Variants in HS6ST3 observed in about 807,000 individuals in gnomAD.
HS6ST3 encodes heparan sulfate 6-O-sulfotransferase 3.
HS6ST3 carries 12 observed loss-of-function variants against 36.7 expected under a neutral mutation model. That is an observed-to-expected ratio of 0.33 (90% CI 0.21 to 0.53). The LOEUF (loss-of-function observed/expected upper bound fraction) is 0.53. Among genes scored for constraint, HS6ST3 ranks in the 20% least tolerant of loss-of-function variants. The pLI is 0.95. For synonymous variants in HS6ST3, 240 were observed against 257.5 expected (o/e 0.93, Z 0.65); for missense variants, 584 against 640.9 (o/e 0.91, Z 0.96).
intron 1 of HS6ST3, among the ~76,000 whole-genome samples, chr13:96,233,991 A>G (rs1319967095): frequency 6.6e-6 from 1 of 152,000 alleles, no homozygotes; most frequent in Admixed American, 6.6e-5. Context: ...TACCTTACTT[A>G]CTGTGTGTTG....
intron 1 of HS6ST3, among the ~76,000 whole-genome samples, chr13:96,708,707 A>G (rs1875489047): frequency 6.6e-6 from 1 of 152,078 alleles, no homozygotes; most frequent in Non-Finnish European, 1.5e-5. Flanking sequence ...GGCCACACCA[A>G]CTGAACTGGG....
At chr13:96,464,684 AG>A (rs548193451) in intron 1 of HS6ST3, among the ~76,000 whole-genome samples, 6 of 152,192 alleles carry the variant, frequency 3.9e-5, no homozygotes, top group Non-Finnish European at 8.8e-5. Context: ...TATTCTCAGT[AG>A]AATTTGATCA....
intron 1 of HS6ST3, among the ~76,000 whole-genome samples, chr13:96,784,097 G>GA (rs36068908): frequency 0.086 from 10,943 of 127,408 alleles, 503 homozygotes; most frequent in Middle Eastern, 0.13. Flanking sequence ...TTCTTGCTGA[G>GA]AAAAAAAAAA....
intron 1 of HS6ST3, among the ~76,000 whole-genome samples, chr13:96,703,416 C>G (rs992626002): frequency 6.6e-6 from 1 of 152,126 alleles, no homozygotes; most frequent in African/African-American, 2.4e-5. Context: ...ACTGGTGCAT[C>G]CTAATTAAAA....
chr13:96,707,378 A>C (rs1875456300), intron 1 of HS6ST3, among the ~76,000 whole-genome samples: 1 of 152,224 alleles, frequency 6.6e-6, no homozygotes, highest in Non-Finnish European at 1.5e-5. Context: ...AACTATGAGA[A>C]ATAAATGTTG....
At chr13:96,338,344 G>A (rs554292052) in intron 1 of HS6ST3, among the ~76,000 whole-genome samples, 4 of 152,202 alleles carry the variant, frequency 2.6e-5, no homozygotes, top group South Asian at 2.1e-4. Context: ...TGCAGTATTC[G>A]GGGAGCTACT....
rs558539744 is a variant in HS6ST3 at position 96,680,508 on chromosome 13, G to A, written c.708-151982G>A. Among the ~76,000 whole-genome samples, 9 of 152,206 alleles carry A rather than the reference G, an allele frequency of 5.9e-5. No individual in the cohort carries two copies. The South Asian group carries it at 1.9e-3, about 32-fold the overall frequency. ...GGACCCTTTAGTGCACTCCAATCGG[G>A]GGTTAGAGGGAAGAGGACACTTTCA... On this transcript the variant is annotated intron_variant, in intron 1 of 1. Coordinates refer to ENST00000376705, the MANE Select transcript of HS6ST3 (RefSeq NM_153456.4).
At chr13:96,418,623 A>G (rs557449107) in intron 1 of HS6ST3, among the ~76,000 whole-genome samples, 1 of 152,250 alleles carries the variant, frequency 6.6e-6, no homozygotes, top group South Asian at 2.1e-4. Context: ...AAGAGATGCA[A>G]ATGGTTTAAT....
At chr13:96,377,097 G>T (rs2055318726) in intron 1 of HS6ST3, among the ~76,000 whole-genome samples, 1 of 148,696 alleles carries the variant, frequency 6.7e-6, no homozygotes, top group Non-Finnish European at 1.5e-5. Context: ...GAGTTTGGTG[G>T]CCCATGACTG....
At chr13:96,753,115 C>G (rs560835237) in intron 1 of HS6ST3, among the ~76,000 whole-genome samples, 1 of 152,234 alleles carries the variant, frequency 6.6e-6, no homozygotes, top group Non-Finnish European at 1.5e-5. Flanking sequence ...TTTATCTATC[C>G]TTGTAATAAT....
At chr13:96,743,239 C>G (rs1023910420) in intron 1 of HS6ST3, among the ~76,000 whole-genome samples, 2 of 152,024 alleles carry the variant, frequency 1.3e-5, no homozygotes, top group African/African-American at 4.8e-5. Context: ...TCATTCTTTG[C>G]TCTGTGTTAT....
At chr13:96,420,449 T>C (rs143463265) in intron 1 of HS6ST3, among the ~76,000 whole-genome samples, 1 of 152,222 alleles carries the variant, frequency 6.6e-6, no homozygotes, top group Admixed American at 6.5e-5. Context: ...CTATAACATA[T>C]CACTTAGACT....
At chr13:96,323,496 CT>C (rs2055014939) in intron 1 of HS6ST3, among the ~76,000 whole-genome samples, 1 of 152,222 alleles carries the variant, frequency 6.6e-6, no homozygotes, top group African/African-American at 2.4e-5. Context: ...CTTTCTTGAA[CT>C]TTATTCTCAA....
intron 1 of HS6ST3, among the ~76,000 whole-genome samples, chr13:96,157,963 G>A (rs7330650): frequency 0.81 from 123,842 of 152,162 alleles, 50,847 homozygotes; most frequent in East Asian, 0.91. Flanking sequence ...GAAGTGGGGC[G>A]GGACTGTACA....
At chr13:96,225,572 A>G (rs1287435510) in intron 1 of HS6ST3, among the ~76,000 whole-genome samples, 2 of 152,222 alleles carry the variant, frequency 1.3e-5, no homozygotes, top group African/African-American at 2.4e-5. Flanking sequence ...AAGGGAAGCA[A>G]TAGATCTAAG....
intron 1 of HS6ST3, among the ~76,000 whole-genome samples, chr13:96,757,201 C>A (rs1160094430): frequency 4.6e-5 from 7 of 152,182 alleles, no homozygotes; most frequent in African/African-American, 1.4e-4. Context: ...GGAAATGGCA[C>A]CCTTCACCAG....
intron 1 of HS6ST3, among the ~76,000 whole-genome samples, chr13:96,585,706 T>C (rs2056358490): frequency 6.6e-6 from 1 of 152,196 alleles, no homozygotes; most frequent in African/African-American, 2.4e-5. Flanking sequence ...GATCGTGCAG[T>C]ATTTGTATTT....
chr13:96,219,058 C>T (rs2054441751), intron 1 of HS6ST3, among the ~76,000 whole-genome samples: 2 of 152,174 alleles, frequency 1.3e-5, no homozygotes, highest in African/African-American at 4.8e-5. Flanking sequence ...TGACCTCTGC[C>T]AGTCCCTGTA....
chr13:96,140,887 T>G (rs772810166), intron 1 of HS6ST3, among the ~76,000 whole-genome samples: 1 of 152,160 alleles, frequency 6.6e-6, no homozygotes, highest in Non-Finnish European at 1.5e-5. Flanking sequence ...AGCTGGAGAA[T>G]TTACTATCAG....
Sources: allele counts gnomAD v4.1 joint callset (sites outside exome capture counted in the v4.1 genomes callset), GRCh38; gene constraint gnomAD v4.1.1; transcripts MANE v1.5; gene names NCBI Gene and HGNC (gene_info 2026-07-23, HGNC 2026-07-21).